Variants in MYT1L observed in about 807,000 individuals in gnomAD.
MYT1L encodes myelin transcription factor 1-like protein.
Under a neutral mutation model 126.7 loss-of-function variants are expected in MYT1L, and 12 were observed. The observed-to-expected ratio is 0.09, with a 90% CI of 0.06 to 0.15. The LOEUF (loss-of-function observed/expected upper bound fraction) is 0.15, where lower values mean the gene tolerates loss of function less well. Ranked by LOEUF, MYT1L falls within the 10% of genes least tolerant of loss-of-function variation. The probability of loss-of-function intolerance (pLI) is 1.00; values close to 1 mark genes in which losing one functional copy is unlikely to be tolerated. For synonymous variants in MYT1L, 541 were observed against 604.2 expected (o/e 0.90, Z 1.53); for missense variants, 979 against 1,585.2 (o/e 0.62, Z 6.49).
At chr2:2,292,937 T>C (rs1337253508) in intron 1 of MYT1L, among the ~76,000 whole-genome samples, 1 of 152,170 alleles carries the variant, frequency 6.6e-6, no homozygotes, top group East Asian at 1.9e-4. Context: ...CAAGGCACGC[T>C]CTTTTCCCTG....
At chr2:2,169,506 A>T (rs2089681606) in intron 3 of MYT1L, among the ~76,000 whole-genome samples, 1 of 152,238 alleles carries the variant, frequency 6.6e-6, no homozygotes, top group South Asian at 2.1e-4. Flanking sequence ...CTTTAAAAAC[A>T]TCTACGGCAT....
At chr2:2,279,346 A>G (rs994593506) in intron 2 of MYT1L, among the ~76,000 whole-genome samples, 1 of 152,120 alleles carries the variant, frequency 6.6e-6, no homozygotes, top group Non-Finnish European at 1.5e-5. Flanking sequence ...CTTACATATC[A>G]AAGAAGTATT....
intron 1 of MYT1L, among the ~76,000 whole-genome samples, chr2:2,316,804 C>A (rs2096071826): frequency 6.6e-6 from 1 of 151,940 alleles, no homozygotes; most frequent in Admixed American, 6.6e-5. Flanking sequence ...TCTTTTCTTT[C>A]CTTTTATTTA....
chr2:1,798,440 C>T (rs377189068), intron 23 of MYT1L, among the ~76,000 whole-genome samples: 9 of 152,242 alleles, frequency 5.9e-5, no homozygotes, highest in East Asian at 3.9e-4. Flanking sequence ...TTCTTTCCTC[C>T]GCTCCCATTC....
At chr2:1,828,544 C>G (rs2039683617) in intron 21 of MYT1L, 1 of 152,214 alleles carries the variant, frequency 6.6e-6, no homozygotes, top group Admixed American at 6.5e-5. Flanking sequence ...CTCCCTGTTG[C>G]CTGTCCAGCA....
At chr2:2,153,123 C>T (rs1346517656) in intron 3 of MYT1L, among the ~76,000 whole-genome samples, 4 of 152,082 alleles carry the variant, frequency 2.6e-5, no homozygotes, top group Non-Finnish European at 5.9e-5. Flanking sequence ...AATAGTGAGT[C>T]CCTGTCTGTA....
rs1020287159 is a variant in MYT1L, at chr2:1,793,975, G to T, written c.3277-1511C>A. Among the ~76,000 whole-genome samples the T allele has an allele frequency of 4.6e-5, 7 of 152,302 alleles. No individual in the cohort carries two copies. In the East Asian group the frequency reaches 1.4e-3, roughly 30 times the overall value. ...GGCCACGTGCCTGCACTCACAGCTG[G>T]TGGCAGCTGTGGCTGGGACCTTACT... On this transcript the variant is annotated intron_variant, in intron 23 of 24. Coordinates refer to ENST00000647738, the MANE Select transcript of MYT1L (RefSeq NM_001303052.2). This position sits in a 1 kb window ranked among gnomAD's most constrained non-coding sequence, Gnocchi z 4.6.
intron 18 of MYT1L, among the ~76,000 whole-genome samples, chr2:1,857,259 C>T (rs1003417780): frequency 6.6e-6 from 1 of 152,220 alleles, no homozygotes; most frequent in African/African-American, 2.4e-5. Flanking sequence ...AAGAGACGCA[C>T]AATCTCTCAT....
Position 2,242,000 on chromosome 2 carries a change from A to G in MYT1L, c.-421+42404T>C, listed in dbSNP as rs114181771. Among the ~76,000 whole-genome samples the G allele has an allele frequency of 5.0e-3, 757 of 152,270 alleles. 4 individuals carry two copies. The highest frequency in any genetic ancestry group is 6.2e-3 in the Non-Finnish European group (425 of 68,012). ...CACCTTGCATTTAGTGAAGTGCTCAATATACATTGATAGGTTGATTGAAGG... is the reference window on the plus strand; with the variant it reads ...CACCTTGCATTTAGTGAAGTGCTCAGTATACATTGATAGGTTGATTGAAGG... On this transcript the variant is annotated intron_variant, in intron 2 of 24. Transcript: ENST00000647738.
At chr2:2,227,702 G>A (rs561994836) in intron 2 of MYT1L, among the ~76,000 whole-genome samples, 32 of 152,248 alleles carry the variant, frequency 2.1e-4, no homozygotes, top group Admixed American at 3.9e-4. Context: ...GTTCAAATAT[G>A]TTCACTACCA....
At chr2:2,057,639 C>A (rs77784026) in intron 3 of MYT1L, among the ~76,000 whole-genome samples, 5,967 of 152,302 alleles carry the variant, frequency 0.039, 169 homozygotes, top group Non-Finnish European at 0.057. Flanking sequence ...TCCTGGCAAC[C>A]ACTCATCAGT....
intron 1 of MYT1L, among the ~76,000 whole-genome samples, chr2:2,297,659 A>C (rs2095715626): frequency 6.6e-6 from 1 of 152,294 alleles, no homozygotes; most frequent in Middle Eastern, 3.4e-3. Flanking sequence ...GCTCAAAGGC[A>C]TTCACTCCAG....
At chr2:2,272,280 G>A (rs2095279322) in intron 2 of MYT1L, among the ~76,000 whole-genome samples, 1 of 152,164 alleles carries the variant, frequency 6.6e-6, no homozygotes, top group South Asian at 2.1e-4. Flanking sequence ...CCCTGTCATC[G>A]TCCACTCCTG....
At chr2:1,927,686 A>G (rs1015156982) in intron 9 of MYT1L, among the ~76,000 whole-genome samples, 1 of 152,318 alleles carries the variant, frequency 6.6e-6, no homozygotes. Flanking sequence ...ACTGTACTCC[A>G]AAGCAAAAAT....
intron 1 of MYT1L, among the ~76,000 whole-genome samples, chr2:2,296,636 G>A (rs879462477): frequency 9.2e-5 from 14 of 152,102 alleles, no homozygotes; most frequent in Admixed American, 3.9e-4. Flanking sequence ...AGAAAGGGGC[G>A]TGTGGGACTC....
intron 3 of MYT1L, among the ~76,000 whole-genome samples, chr2:2,103,611 C>T (rs1207952377): frequency 6.6e-6 from 1 of 151,884 alleles, no homozygotes. Context: ...CAGCACAGCC[C>T]TCATGGCACC....
chr2:1,901,313 G>A (rs1478645002), intron 14 of MYT1L, among the ~76,000 whole-genome samples: 1 of 152,168 alleles, frequency 6.6e-6, no homozygotes, highest in African/African-American at 2.4e-5. Context: ...TGAAAGAATG[G>A]ATCAAATCCC....
intron 3 of MYT1L, among the ~76,000 whole-genome samples, chr2:2,140,601 A>G (rs922329779): frequency 2.6e-5 from 4 of 151,492 alleles, no homozygotes; most frequent in African/African-American, 7.3e-5. Flanking sequence ...CGCCTGGCTA[A>G]TTTTTTGTAT....
intron 5 of MYT1L, among the ~76,000 whole-genome samples, chr2:1,995,287 C>T (rs562221006): frequency 7.2e-5 from 11 of 152,284 alleles, no homozygotes; most frequent in South Asian, 2.1e-4. Flanking sequence ...GGGCTCCACA[C>T]GTGTGAGGGG....
Sources: gnomAD v4.1 joint callset for allele counts (sites outside exome capture counted in the v4.1 genomes callset) on GRCh38, gnomAD v4.1.1 for gene constraint, Gnocchi (gnomAD v3.1) non-coding constraint, MANE v1.5 for transcripts, NCBI Gene and HGNC (gene_info 2026-07-23, HGNC 2026-07-21) for gene names.